AHI1: variants seen among roughly 807,000 people sequenced by gnomAD.
AHI1 encodes Abelson helper integration site 1.
Under a neutral mutation model 149.3 loss-of-function variants are expected in AHI1, and 123 were observed. The ratio of observed to expected loss-of-function variants is 0.82; its 90% CI spans 0.71 to 0.96. The LOEUF is 0.96. AHI1 is among the 40% of genes least tolerant of loss of function. AHI1 has a pLI of 0.00. For missense variants in AHI1, 1,439 were observed against 1,422.7 expected, an observed-to-expected ratio of 1.01 and a Z score of -0.18; for synonymous variants, 475 against 459.8, an observed-to-expected ratio of 1.03 and a Z score of -0.42.
intron 3 of AHI1, among the ~76,000 whole-genome samples, chr6:135,494,086 A>T (rs1030368813): frequency 4.6e-5 from 7 of 152,376 alleles, no homozygotes; most frequent in African/African-American, 7.2e-5. Context: ...ATCGGAGATA[A>T]TTCCCATGTT....
intron 26 of AHI1, 87 bp from the exon 27 acceptor site, chr6:135,300,645 T>G: frequency 6.5e-7 from 1 of 1,537,418 alleles, no homozygotes; most frequent in South Asian, 1.2e-5. Context: ...ACCCACCAAC[T>G]TCCTGAATGG....
intron 26 of AHI1, among the ~76,000 whole-genome samples, chr6:135,307,973 C>T (rs1784713809): frequency 1.3e-5 from 2 of 152,118 alleles, no homozygotes; most frequent in African/African-American, 2.4e-5. Context: ...CAAATGCCAA[C>T]AGTGCCGAGG....
Position 135,400,255 on chromosome 6 carries a change from C to T in AHI1, c.2988+4696G>A, listed in dbSNP as rs542140331. Among the ~76,000 whole-genome samples, 3 of 152,130 alleles carry T rather than the reference C, an allele frequency of 2.0e-5. No individual in the cohort carries two copies. The East Asian group carries it at 5.8e-4, about 29-fold the overall frequency. Reference sequence around the variant, plus strand: ...AAAATATCCAAATATACGTTTTAAACAGAAAAATTAAAAAAATATTTTCTC... The same window carrying T: ...AAAATATCCAAATATACGTTTTAAATAGAAAAATTAAAAAAATATTTTCTC... On this transcript the variant is annotated intron_variant, in intron 22 of 28. Transcript: ENST00000265602.
intron 24 of AHI1, among the ~76,000 whole-genome samples, chr6:135,333,514 G>GA (rs532055127): frequency 1.5e-3 from 231 of 152,198 alleles, no homozygotes; most frequent in Non-Finnish European, 2.3e-3. Context: ...ATCTTATCTG[G>GA]ATAATAATAG....
intron 23 of AHI1, among the ~76,000 whole-genome samples, chr6:135,376,408 CTTAA>C (rs1304533338): frequency 6.6e-6 from 1 of 152,122 alleles, no homozygotes; most frequent in African/African-American, 2.4e-5. Context: ...TGTTCACCAC[CTTAA>C]TTAAGGACTA....
intron 5 of AHI1, among the ~76,000 whole-genome samples, chr6:135,483,157 C>A (rs1303300980): frequency 6.6e-6 from 1 of 151,728 alleles, no homozygotes; most frequent in Non-Finnish European, 1.5e-5. Flanking sequence ...CTTGGCCTCC[C>A]AAAGTGCTGG....
Position 135,429,885 on chromosome 6 carries a change from C to T in AHI1, c.2489G>A (p.Arg830Gln), listed in dbSNP as rs775785006. The change falls in exon 18 of 29, where the codon CGG (arginine) becomes CAG (glutamine). Residue 830 changes from arginine to glutamine, a missense_variant. Transcript: ENST00000265602. ...KDSTLRIMDL[R>Q]ILVARKFVGA... The stretch of plus-strand genomic sequence containing the variant: ...GTCAACACTGAAATATACTTACATC[C>T]GGAGATCCATAATTCTCAAAGTACT... The T allele has an allele frequency of 1.3e-5, 20 of 1,523,978 alleles. No homozygotes were observed. Among genetic ancestry groups the T allele is most frequent in the African/African-American group, 6.8e-5 (5 of 73,162 alleles). 94.4% of individuals were successfully genotyped at this position (1,523,978 alleles called of 1,614,324 possible). A position where few individuals can be genotyped will look rare whatever the true frequency, so the allele number is the denominator to read the frequency against.
chr6:135,427,069 G>T, intron 20 of AHI1, 98 bp downstream of exon 20: 1 of 1,225,698 alleles, frequency 8.2e-7, no homozygotes, highest in Non-Finnish European at 1.1e-6. Flanking sequence ...ATTATTATGT[G>T]TACTTTTGTC....
intron 24 of AHI1, among the ~76,000 whole-genome samples, chr6:135,356,155 C>T (rs1792931422): frequency 6.6e-6 from 1 of 152,170 alleles, no homozygotes; most frequent in African/African-American, 2.4e-5. Context: ...ATTCTAAAAT[C>T]CTGGCCCACT....
At chr6:135,382,986 T>G (rs1777059988) in intron 23 of AHI1, among the ~76,000 whole-genome samples, 1 of 140,684 alleles carries the variant, frequency 7.1e-6, no homozygotes, top group South Asian at 2.2e-4. Flanking sequence ...TTTTAAAAAT[T>G]GGATCACTTA....
intron 24 of AHI1, among the ~76,000 whole-genome samples, chr6:135,324,661 G>GT (rs746916292): frequency 2.0e-5 from 3 of 151,928 alleles, no homozygotes; most frequent in Non-Finnish European, 4.4e-5. Context: ...GGCATTAGAC[G>GT]TGAGAGCTGA....
In AHI1 at chr6:135,382,908, AAAAAAAAAAAAAAAAAAAATATATATAT is replaced by A. The variant is rs1379509971; in HGVS notation, c.3109+11840_3109+11867del. Among the ~76,000 whole-genome samples, 29 of 98,772 alleles carry A rather than the reference AAAAAAAAAAAAAAAAAAAATATATATAT, an allele frequency of 2.9e-4. 1 individual carries two copies. Among genetic ancestry groups the A allele is most frequent in the African/African-American group, 1.1e-3 (28 of 25,748 alleles). The allele number at this position is 98,772 out of a possible 152,430, so 64.8% of individuals were successfully genotyped here. On this transcript the variant is annotated intron_variant, in intron 23 of 28. Transcript: ENST00000265602. ...AGCAAAATTAGTAAAAAAAAAAAAA[AAAAAAAAAAAAAAAAAAAATATATATAT>A]ATATATATATATATATATACATATA...
intron 26 of AHI1, among the ~76,000 whole-genome samples, chr6:135,316,421 C>T (rs1014289638): frequency 6.6e-6 from 1 of 152,010 alleles, no homozygotes; most frequent in South Asian, 2.1e-4. Flanking sequence ...CTTTACTCTG[C>T]TCTTTAATCC....
chr6:135,434,555 A>G (rs1316443774), intron 15 of AHI1, among the ~76,000 whole-genome samples: 1 of 152,104 alleles, frequency 6.6e-6, no homozygotes, highest in African/African-American at 2.4e-5. Context: ...TACATCTTCA[A>G]AACAGCTCAA....
At chr6:135,459,038 T>C (rs970509107) in intron 8 of AHI1, among the ~76,000 whole-genome samples, 3 of 152,172 alleles carry the variant, frequency 2.0e-5, no homozygotes, top group African/African-American at 7.2e-5. Flanking sequence ...CAATTAAACT[T>C]GACCTAACTG....
intron 23 of AHI1, among the ~76,000 whole-genome samples, chr6:135,393,818 T>C (rs894341329): frequency 5.3e-5 from 8 of 152,072 alleles, no homozygotes; most frequent in African/African-American, 1.9e-4. Flanking sequence ...CAATATATAA[T>C]ATAAATATCA....
rs1157749145 is a variant in AHI1, at chr6:135,463,161, GT to G, written c.894del (p.Lys298AsnfsTer29). 1 of 1,595,966 alleles carries G rather than the reference GT, an allele frequency of 6.3e-7. No individual in the cohort carries two copies. The highest frequency in any genetic ancestry group is 8.5e-7 in the Non-Finnish European group (1 of 1,172,928). Reference protein sequence around the residue: ...STEDSMQDDTKPKPKKTKKKT... With the variant: ...STEDSMQDDTXPKPKKTKKKT... ...TTCTTTTTTGTTTTTTTTGGTTTAG[GT>G]TTTGTATCATCTTGCATGCTGTCTT... On this transcript the variant is annotated frameshift_variant, in exon 8 of 29. Coordinates refer to ENST00000265602, the MANE Select transcript of AHI1 (RefSeq NM_001134831.2). LOFTEE classifies it high-confidence loss of function.
chr6:135,296,859 G>A (rs1281379777), intron 27 of AHI1, among the ~76,000 whole-genome samples: 1 of 152,192 alleles, frequency 6.6e-6, no homozygotes, highest in Non-Finnish European at 1.5e-5. Context: ...GACACTGTAG[G>A]TGCTCAGCAA....
chr6:135,404,721 C>T (rs1241800123), intron 22 of AHI1, among the ~76,000 whole-genome samples: 1 of 152,184 alleles, frequency 6.6e-6, no homozygotes, highest in Non-Finnish European at 1.5e-5. Flanking sequence ...ATCTCCATCA[C>T]TTAGTATTCT....
Sources: gnomAD v4.1 joint callset for allele counts (sites outside exome capture counted in the v4.1 genomes callset) on GRCh38, gnomAD v4.1.1 for gene constraint, MANE v1.5 for transcripts, NCBI Gene and HGNC (gene_info 2026-07-23, HGNC 2026-07-21) for gene names.